The following CREB3L2 variants were observed in gnomAD, a reference collection of about 807,000 sequenced individuals.
CREB3L2 encodes cAMP responsive element binding protein 3 like 2.
A neutral mutation model predicts 57.2 loss-of-function variants in CREB3L2; 23 were observed. The ratio of observed to expected loss-of-function variants is 0.40; its 90% CI spans 0.29 to 0.57. The LOEUF is 0.57. Among genes scored for constraint, CREB3L2 ranks in the 20% least tolerant of loss-of-function variants. CREB3L2 has a pLI of 0.42. For missense variants in CREB3L2, 628 were observed against 634.7 expected, an observed-to-expected ratio of 0.99 and a Z score of 0.11; for synonymous variants, 268 against 265.1, an observed-to-expected ratio of 1.01 and a Z score of -0.11.
intron 1 of CREB3L2, among the ~76,000 whole-genome samples, chr7:137,945,208 T>G (rs2117263124): frequency 6.6e-6 from 1 of 152,356 alleles, no homozygotes; most frequent in South Asian, 2.1e-4. Context: ...TTTATAACTT[T>G]TAATTGAAAG....
Position 137,930,515 on chromosome 7 carries a change from C to G in CREB3L2, c.103-2149G>C, listed in dbSNP as rs1420746793. 2.0e-5 allele frequency among the ~76,000 whole-genome samples: 3 copies of G among 152,330 alleles called. No individual in the cohort carries two copies. In the East Asian group the frequency reaches 5.8e-4, roughly 29 times the overall value. On this transcript the variant is annotated intron_variant, in intron 1 of 11. Coordinates refer to ENST00000330387, the MANE Select transcript of CREB3L2 (RefSeq NM_194071.4). Reference sequence around the variant, plus strand: ...GGGAGATGTCCCTAGAGCTGGCGCTCTAAGATCAGGGTAGTTGTAGAACAG... The same window carrying G: ...GGGAGATGTCCCTAGAGCTGGCGCTGTAAGATCAGGGTAGTTGTAGAACAG...
rs1435009445 is a variant in CREB3L2, at chr7:137,879,109, C to T, written c.*1367G>A. On this transcript the variant is annotated 3_prime_UTR_variant, in exon 12 of 12. Coordinates refer to ENST00000330387, the MANE Select transcript of CREB3L2 (RefSeq NM_194071.4). ...TTACACAATAAAAAGGCAATTTCCA[C>T]TTCTTATTTATATGAAAGAGGAAAG... 3 of 493,094 alleles carry T rather than the reference C, an allele frequency of 6.1e-6. No homozygotes were observed. Among genetic ancestry groups the T allele is most frequent in the Non-Finnish European group, 1.1e-5 (3 of 262,020 alleles). The allele number at this position is 493,094 out of a possible 1,614,324, so 30.5% of individuals were successfully genotyped here.
At chr7:137,973,263 C>A (rs1357465342) in intron 1 of CREB3L2, among the ~76,000 whole-genome samples, 1 of 151,938 alleles carries the variant, frequency 6.6e-6, no homozygotes, top group Non-Finnish European at 1.5e-5. Context: ...CATAGAAGTC[C>A]CCATTCCAAC....
chr7:137,899,051 GAAAGAA>G (rs953581392), intron 8 of CREB3L2, among the ~76,000 whole-genome samples: 2 of 141,498 alleles, frequency 1.4e-5, no homozygotes, highest in Non-Finnish European at 3.1e-5. Flanking sequence ...AAAAAAGAAA[GAAAGAA>G]AAAGAAAGAG....
intron 2 of CREB3L2, among the ~76,000 whole-genome samples, chr7:137,916,824 CAG>C (rs147912469): frequency 2.0e-5 from 3 of 150,404 alleles, no homozygotes; most frequent in Non-Finnish European, 3.0e-5. Context: ...GCGAGAGCGA[CAG>C]AGAGAGAGAG....
At chr7:137,994,008 G>A (rs4728426) in intron 1 of CREB3L2, among the ~76,000 whole-genome samples, 137,407 of 151,952 alleles carry the variant, frequency 0.9, 62,615 homozygotes, top group South Asian at 0.98. Flanking sequence ...GAAAGGCCAG[G>A]GTGCATCCAC....
chr7:137,961,468 A>G (rs1801321933), intron 1 of CREB3L2, among the ~76,000 whole-genome samples: 1 of 152,106 alleles, frequency 6.6e-6, no homozygotes, highest in Non-Finnish European at 1.5e-5. Context: ...ACCTGGAAGA[A>G]TCTCAGGCTT....
chr7:137,937,189 A>G (rs1800802428), intron 1 of CREB3L2, among the ~76,000 whole-genome samples: 1 of 152,222 alleles, frequency 6.6e-6, no homozygotes, highest in African/African-American at 2.4e-5. Flanking sequence ...CGTGGCTAGG[A>G]GCCTTACCTA....
At chr7:137,954,141 T>G (rs1307592904) in intron 1 of CREB3L2, among the ~76,000 whole-genome samples, 1 of 152,210 alleles carries the variant, frequency 6.6e-6, no homozygotes, top group African/African-American at 2.4e-5. Context: ...AGATACAGGT[T>G]GTACCTGTCC....
intron 1 of CREB3L2, among the ~76,000 whole-genome samples, chr7:137,987,404 A>C (rs1801810862): frequency 6.6e-6 from 1 of 152,320 alleles, no homozygotes; most frequent in Admixed American, 6.5e-5. Context: ...AAAAACAAAA[A>C]ACAAAAAACA....
At chr7:137,955,364 A>G (rs1172124687) in intron 1 of CREB3L2, 4 of 1,228,200 alleles carry the variant, frequency 3.3e-6, no homozygotes, top group Non-Finnish European at 2.1e-6. Flanking sequence ...GGGGAGGGCG[A>G]AGATGGCAGT....
At chr7:137,919,391 C>G (rs1207627904) in intron 2 of CREB3L2, among the ~76,000 whole-genome samples, 1 of 152,034 alleles carries the variant, frequency 6.6e-6, no homozygotes, top group Non-Finnish European at 1.5e-5. Context: ...AGGCTGGTCT[C>G]AAACTCCTGA....
chr7:137,889,930 A>G (rs556355851), intron 8 of CREB3L2, among the ~76,000 whole-genome samples: 1 of 152,216 alleles, frequency 6.6e-6, no homozygotes, highest in African/African-American at 2.4e-5. Flanking sequence ...GATGTAAACC[A>G]AAACCTATCT....
At chr7:137,910,906 A>G (rs1799991723) in intron 4 of CREB3L2, among the ~76,000 whole-genome samples, 1 of 152,372 alleles carries the variant, frequency 6.6e-6, no homozygotes, top group South Asian at 2.1e-4. Flanking sequence ...TACTGTGCCT[A>G]GAAACTGATG....
chr7:137,964,960 C>T (rs928109614), intron 1 of CREB3L2, among the ~76,000 whole-genome samples: 2 of 152,086 alleles, frequency 1.3e-5, no homozygotes, highest in African/African-American at 4.8e-5. Flanking sequence ...GTGCCTTTTG[C>T]CTTCCGCCAA....
At chr7:137,887,109 A>G (rs191952147) in intron 8 of CREB3L2, among the ~76,000 whole-genome samples, 2 of 152,350 alleles carry the variant, frequency 1.3e-5, no homozygotes, top group Non-Finnish European at 2.9e-5. Flanking sequence ...AGACAGCCAC[A>G]TAAGTTCACT....
chr7:137,936,341 C>T (rs567666710), intron 1 of CREB3L2, among the ~76,000 whole-genome samples: 77 of 152,310 alleles, frequency 5.1e-4, no homozygotes, highest in Non-Finnish European at 9.1e-4. Context: ...AAGAGTGCTG[C>T]ACCAGACCAG....
chr7:137,930,663 C>T (rs1800596922), intron 1 of CREB3L2, among the ~76,000 whole-genome samples: 1 of 152,174 alleles, frequency 6.6e-6, no homozygotes, highest in South Asian at 2.1e-4. Context: ...GGCATTTCAT[C>T]AGGACAGAAT....
intron 1 of CREB3L2, among the ~76,000 whole-genome samples, chr7:137,975,106 A>G (rs577341464): frequency 6.6e-6 from 1 of 152,312 alleles, no homozygotes; most frequent in Admixed American, 6.5e-5. Flanking sequence ...TCTTTTATAA[A>G]CCGTAAAGCA....
Sources: gnomAD v4.1 joint callset for allele counts (sites outside exome capture counted in the v4.1 genomes callset) on GRCh38, gnomAD v4.1.1 for gene constraint, MANE v1.5 for transcripts, NCBI Gene and HGNC (gene_info 2026-07-23, HGNC 2026-07-21) for gene names.